CUX2: variants seen among roughly 807,000 people sequenced by gnomAD.
The protein encoded by CUX2 is cut like homeobox 2, also known as homeobox protein cut-like 2.
In CUX2, 40 loss-of-function variants were observed where a neutral mutation model predicts 144.8. That is an observed-to-expected ratio of 0.28 (90% CI 0.21 to 0.36). CUX2 has a LOEUF of 0.36. Ranked by LOEUF, CUX2 falls within the 10% of genes least tolerant of loss-of-function variation. CUX2 has a pLI of 1.00. For synonymous variants in CUX2, 827 were observed against 875.6 expected (o/e 0.94, Z 0.98); for missense variants, 1,615 against 1,994.0 (o/e 0.81, Z 3.62).
At chr12:111,117,513 A>G (rs1185730788) in intron 1 of CUX2, among the ~76,000 whole-genome samples, 3 of 152,218 alleles carry the variant, frequency 2.0e-5, no homozygotes, top group African/African-American at 7.2e-5. Flanking sequence ...AAGCCAATAA[A>G]CACAATCTTA....
chr12:111,320,900 C>G lies in CUX2; in HGVS notation c.2766+125C>G. 1 of 1,051,178 alleles carries G rather than the reference C, an allele frequency of 9.5e-7. No homozygotes were observed. The highest frequency in any genetic ancestry group is 1.3e-6 in the Non-Finnish European group (1 of 781,394). The allele number at this position is 1,051,178 out of a possible 1,614,324, so 65.1% of individuals were successfully genotyped here. A position where few individuals can be genotyped will look rare whatever the true frequency, so the allele number is the denominator to read the frequency against. ...GCCCTTCATTCCTGAGTCCTGCTGT[C>G]CCTGGGTCCCGCAGGAAGGAGGGCC... On this transcript the variant is annotated intron_variant, in intron 17 of 21. Transcript: ENST00000261726. The surrounding 1 kb of genome is among the most constrained non-coding windows in gnomAD (Gnocchi z 8.1).
At chr12:111,238,021 G>A (rs1490137396) in intron 3 of CUX2, among the ~76,000 whole-genome samples, 1 of 152,182 alleles carries the variant, frequency 6.6e-6, no homozygotes, top group Admixed American at 6.5e-5. Flanking sequence ...GTCTCCAGAC[G>A]TTGCTAGATG....
At chr12:111,321,041 G>A (rs1887501722) in intron 17 of CUX2, among the ~76,000 whole-genome samples, 1 of 152,180 alleles carries the variant, frequency 6.6e-6, no homozygotes, top group Admixed American at 6.5e-5. Flanking sequence ...AGCCACTAAA[G>A]GGTTAAGTGG....
chr12:111,282,319 C>A (rs1440433229), intron 4 of CUX2, among the ~76,000 whole-genome samples: 8 of 113,248 alleles, frequency 7.1e-5, no homozygotes, highest in South Asian at 2.4e-4. Flanking sequence ...GAAACCCCAT[C>A]TCAAAAAAAA....
rs1050430206 is a variant in CUX2, at chr12:111,186,050, T to G, written c.64-28150T>G. 1.3e-5 allele frequency among the ~76,000 whole-genome samples: 2 copies of G among 151,878 alleles called. No individual in the cohort carries two copies. The highest frequency in any genetic ancestry group is 4.8e-5 in the African/African-American group (2 of 41,344). ...TCCTCTCTCTTTCACTCTCACTCTC[T>G]CCCTCCCTCCCTTCCTCCTCCTGCC... On this transcript the variant is annotated intron_variant, in intron 1 of 21. Coordinates refer to ENST00000261726, the MANE Select transcript of CUX2 (RefSeq NM_015267.4). This position sits in a 1 kb window ranked among gnomAD's most constrained non-coding sequence, Gnocchi z 4.4.
chr12:111,051,726 T>C (rs1226217408), intron 1 of CUX2, among the ~76,000 whole-genome samples: 1 of 152,204 alleles, frequency 6.6e-6, no homozygotes, highest in Non-Finnish European at 1.5e-5. Flanking sequence ...TCCATTCATA[T>C]TTAATGTTAT....
chr12:111,044,637 T>G (rs1566186974), intron 1 of CUX2, among the ~76,000 whole-genome samples: 1 of 152,238 alleles, frequency 6.6e-6, no homozygotes, highest in African/African-American at 2.4e-5. Context: ...TATTTATTTG[T>G]GTATTTATTT....
intron 1 of CUX2, among the ~76,000 whole-genome samples, chr12:111,083,719 A>G (rs1325450862): frequency 6.6e-6 from 1 of 152,106 alleles, no homozygotes; most frequent in Non-Finnish European, 1.5e-5. Flanking sequence ...GCAAACTCAC[A>G]GGTAATAGAA....
At chr12:111,337,636 T>C (rs530175064) in intron 19 of CUX2, among the ~76,000 whole-genome samples, 122 of 152,346 alleles carry the variant, frequency 8.0e-4, no homozygotes, top group Non-Finnish European at 1.5e-3. Context: ...AAAACTGGGA[T>C]GGAATCTGTC....
chr12:111,087,366 C>CAAAAAAAAAAAAAAAAAAA (rs1159500448), intron 1 of CUX2, among the ~76,000 whole-genome samples: 33 of 45,042 alleles, frequency 7.3e-4, no homozygotes, highest in Middle Eastern at 0.015. Context: ...GACTCCATCT[C>CAAAAAAAAAAAAAAAAAAA]AAAAAAAAAA....
At chr12:111,298,633 CTGCCT>C in intron 9 of CUX2, 44 bp downstream of exon 9, 1 of 1,543,820 alleles carries the variant, frequency 6.5e-7, no homozygotes, top group Non-Finnish European at 8.8e-7. Flanking sequence ...GAGGCTCCCT[CTGCCT>C]GGGGTGGGGG....
intron 1 of CUX2, among the ~76,000 whole-genome samples, chr12:111,092,431 A>G (rs1036821942): frequency 3.3e-5 from 5 of 152,168 alleles, no homozygotes; most frequent in Middle Eastern, 6.8e-3. Context: ...CTCAATTTTC[A>G]TCTCTGTAAA....
chr12:111,326,536 A>G (rs557107401), intron 18 of CUX2, among the ~76,000 whole-genome samples: 10 of 151,922 alleles, frequency 6.6e-5, no homozygotes, highest in African/African-American at 2.4e-4. Context: ...TCACTCTGTC[A>G]CCCAGGCTGG....
intron 3 of CUX2, among the ~76,000 whole-genome samples, chr12:111,235,613 C>G (rs1054283732): frequency 6.6e-6 from 1 of 151,908 alleles, no homozygotes; most frequent in Non-Finnish European, 1.5e-5. Flanking sequence ...CCCAGCTACT[C>G]AGGAGGCTGA....
At chr12:111,170,489 T>TGCCCAG (rs1878448651) in intron 1 of CUX2, among the ~76,000 whole-genome samples, 1 of 147,098 alleles carries the variant, frequency 6.8e-6, no homozygotes, top group South Asian at 2.2e-4. Context: ...TAGGGTGATG[T>TGCCCAG]GCCCAGGATA....
chr12:111,168,153 C>T (rs1023756851), intron 1 of CUX2, among the ~76,000 whole-genome samples: 1 of 152,172 alleles, frequency 6.6e-6, no homozygotes, highest in Non-Finnish European at 1.5e-5. Context: ...ACCGTCTCAG[C>T]GCCGTTCCTC....
At chr12:111,305,666 GA>G (rs35199641) in intron 10 of CUX2, among the ~76,000 whole-genome samples, 15,225 of 149,182 alleles carry the variant, frequency 0.1, 878 homozygotes, top group South Asian at 0.19. Flanking sequence ...TCCTGTCTCT[GA>G]AAAAAAAAAT....
rs866403178 is a variant in CUX2, at chr12:111,320,093, G to T, written c.2084G>T (p.Ser695Ile). 6.4e-7 allele frequency: 1 copy of T among 1,557,216 alleles called. No individual in the cohort carries two copies. Among genetic ancestry groups the T allele is most frequent in the Non-Finnish European group, 8.7e-7 (1 of 1,154,776 alleles). The stretch of plus-strand genomic sequence containing the variant: ...AGCACCTCGGAGGACGCCATCAAGA[G>T]CATCCTGGAGCAGGCACGCCGTGAG... ...PASTSEDAIKSILEQARREMQ... is the reference protein window; with the variant it reads ...PASTSEDAIKIILEQARREMQ... Residue 695 changes from serine to isoleucine, a missense_variant, in exon 17 of 22, where the codon AGC becomes ATC. Coordinates refer to ENST00000261726, the MANE Select transcript of CUX2 (RefSeq NM_015267.4). The surrounding 1 kb of genome is among the most constrained non-coding windows in gnomAD (Gnocchi z 8.1).
At chr12:111,051,553 A>G (rs1040768428) in intron 1 of CUX2, among the ~76,000 whole-genome samples, 2 of 151,014 alleles carry the variant, frequency 1.3e-5, no homozygotes, top group East Asian at 1.9e-4. Context: ...AGTTACTCCC[A>G]GTTTCTTATG....
Sources: allele counts gnomAD v4.1 joint callset (sites outside exome capture counted in the v4.1 genomes callset), GRCh38; gene constraint gnomAD v4.1.1; non-coding constraint Gnocchi (gnomAD v3.1); transcripts MANE v1.5; gene names NCBI Gene and HGNC (gene_info 2026-07-23, HGNC 2026-07-21).